The following FCMR variants were observed in gnomAD, a reference collection of about 807,000 sequenced individuals.
FCMR encodes the protein Fc mu receptor.
In FCMR, 34 loss-of-function variants were observed where a neutral mutation model predicts 41.6. That is an observed-to-expected ratio of 0.82 (90% CI 0.62 to 1.09). The LOEUF (loss-of-function observed/expected upper bound fraction) is 1.09. FCMR is among the 50% of genes least tolerant of loss of function. FCMR has a pLI of 0.00. For missense variants in FCMR, 496 were observed against 512.5 expected, an observed-to-expected ratio of 0.97 and a Z score of 0.31; for synonymous variants, 209 against 211.8, an observed-to-expected ratio of 0.99 and a Z score of 0.12.
chr1:206,915,566 G>C (rs1572628904), intron 1 of FCMR, among the ~76,000 whole-genome samples: 1 of 152,174 alleles, frequency 6.6e-6, no homozygotes, highest in African/African-American at 2.4e-5. Flanking sequence ...TAATGCACTT[G>C]AGCCAGCTAC....
At chr1:206,905,523 C>T (rs1001548956) in intron 7 of FCMR, among the ~76,000 whole-genome samples, 3 of 152,064 alleles carry the variant, frequency 2.0e-5, no homozygotes, top group Admixed American at 1.3e-4. Flanking sequence ...AGTGAGTCAC[C>T]CTCAGCACCT....
chr1:206,908,372 G>A, intron 7 of FCMR: 3 of 582,190 alleles, frequency 5.2e-6, no homozygotes, highest in Non-Finnish European at 9.2e-6. Context: ...AGCAAGGAAA[G>A]GGTCTTAGTC....
At chr1:206,918,109 G>T (rs539767132) in intron 1 of FCMR, among the ~76,000 whole-genome samples, 27 of 152,280 alleles carry the variant, frequency 1.8e-4, no homozygotes, top group African/African-American at 6.5e-4. Flanking sequence ...CTCTTGTCAA[G>T]TCACTGAAAT....
chr1:206,909,618 C>T lies in FCMR; in HGVS notation c.986-98G>A. On this transcript the variant is annotated intron_variant, in intron 6 of 7. Coordinates refer to ENST00000367091, the MANE Select transcript of FCMR (RefSeq NM_005449.5). This position sits in a 1 kb window ranked among gnomAD's most constrained non-coding sequence, Gnocchi z 5.0. Reference sequence around the variant, plus strand: ...TCCACCCCCGCCCCACTCCCAGCTCCACCCTGTGGGAAGCCCTGGCACCTG... The same window carrying T: ...TCCACCCCCGCCCCACTCCCAGCTCTACCCTGTGGGAAGCCCTGGCACCTG... 1 of 1,303,848 alleles carries T rather than the reference C, an allele frequency of 7.7e-7. No homozygotes were observed. The highest frequency in any genetic ancestry group is 9.8e-7 in the Non-Finnish European group (1 of 1,016,748). 80.8% of individuals were successfully genotyped at this position (1,303,848 alleles called of 1,614,324 possible).
chr1:206,903,698 C>A lies in FCMR; in HGVS notation c.*1321G>T, dbSNP rs1256361974. 3 of 152,374 alleles carry A rather than the reference C, an allele frequency of 2.0e-5. No homozygotes were observed. The highest frequency in any genetic ancestry group is 7.2e-5 in the African/African-American group (3 of 41,448). 9.4% of individuals were successfully genotyped at this position (152,374 alleles called of 1,614,324 possible). A position where few individuals can be genotyped will look rare whatever the true frequency, so the allele number is the denominator to read the frequency against. ...TTTCCCACCCACACTCGCCAGCTCA[C>A]CCCATCATCCCTTTCCCTTGGTGCC... On this transcript the variant is annotated 3_prime_UTR_variant, in exon 8 of 8. Coordinates refer to ENST00000367091, the MANE Select transcript of FCMR (RefSeq NM_005449.5).
chr1:206,906,936 T>A (rs552052963), intron 7 of FCMR, among the ~76,000 whole-genome samples: 1 of 152,122 alleles, frequency 6.6e-6, no homozygotes, highest in Non-Finnish European at 1.5e-5. Flanking sequence ...CTGCTGCTGC[T>A]TCCCTCTTTA....
At chr1:206,907,885 C>G (rs1438063343) in intron 7 of FCMR, 13 of 1,296,764 alleles carry the variant, frequency 1.0e-5, no homozygotes, top group Non-Finnish European at 1.3e-5. Context: ...CTTGCTGCCC[C>G]AAGAGACCAA....
At chr1:206,912,809 A>G (rs1222640179) in intron 3 of FCMR, 120 bp downstream of exon 3, 4 of 728,306 alleles carry the variant, frequency 5.5e-6, no homozygotes, top group African/African-American at 5.1e-5. Flanking sequence ...GGGAATACAC[A>G]CCTAAGACTC....
rs750374708 is a variant in FCMR at position 206,911,888 on chromosome 1, G to A, written c.552C>T (p.Ile184=). 1.2e-5 allele frequency: 20 copies of A among 1,606,422 alleles called. No individual in the cohort carries two copies. The highest frequency in any genetic ancestry group is 1.7e-5 in the Non-Finnish European group (20 of 1,177,690). The change falls in exon 4 of 8, where the codon ATC becomes ATT. Residue 184 remains isoleucine (I), a synonymous_variant. Coordinates refer to ENST00000367091, the MANE Select transcript of FCMR (RefSeq NM_005449.5). ...PVHHSSPTTQ[I]THRPRVSRAS... is the part of the protein sequence containing the mutation. ...CTCTGGACACTCGAGGGCGGTGGGTGATTTGGGTGGTGGGGGAGGAGTGGT... is the reference window on the plus strand; with the variant it reads ...CTCTGGACACTCGAGGGCGGTGGGTAATTTGGGTGGTGGGGGAGGAGTGGT...
chr1:206,914,420 CTTCCTTCCT>C (rs1679098600), intron 1 of FCMR, among the ~76,000 whole-genome samples: 1 of 124,662 alleles, frequency 8.0e-6, no homozygotes, highest in Non-Finnish European at 1.7e-5. Context: ...TCCTTCCTTC[CTTCCTTCCT>C]TTCTTTTCTT....
intron 4 of FCMR, 125 bp downstream of exon 4, chr1:206,911,605 G>A: frequency 1.2e-6 from 1 of 826,702 alleles, no homozygotes; most frequent in Admixed American, 2.3e-5. Flanking sequence ...ATACTCATAG[G>A]TGGTATATTT....
rs763799731 is a variant in FCMR at position 206,911,881 on chromosome 1, G to T, written c.559C>A (p.Arg187Ser). The T allele has an allele frequency of 1.2e-6, 2 of 1,606,486 alleles. No individual in the cohort carries two copies. Among genetic ancestry groups the T allele is most frequent in the East Asian group, 2.2e-5 (1 of 44,710 alleles). The change falls in exon 4 of 8, where the codon CGC becomes AGC. Residue 187 changes from arginine to serine, a missense_variant. Transcript: ENST00000367091. ...HSSPTTQITH[R>S]PRVSRASSVA... Reference sequence around the variant, plus strand: ...GAAGATGCTCTGGACACTCGAGGGCGGTGGGTGATTTGGGTGGTGGGGGAG... The same window carrying T: ...GAAGATGCTCTGGACACTCGAGGGCTGTGGGTGATTTGGGTGGTGGGGGAG...
chr1:206,907,689 C>T, intron 7 of FCMR: 4 of 839,082 alleles, frequency 4.8e-6, no homozygotes, highest in Non-Finnish European at 8.4e-6. Context: ...GCCATCGTGG[C>T]TAACTAGGTA....
chr1:206,908,653 C>T (rs1283146869), intron 7 of FCMR, among the ~76,000 whole-genome samples: 4 of 151,872 alleles, frequency 2.6e-5, no homozygotes, highest in African/African-American at 9.7e-5. Flanking sequence ...GATGTGCGAC[C>T]AAGGGGTTAC....
At chr1:206,922,735 C>T (rs17552052), upstream of FCMR, among the ~76,000 whole-genome samples, 13,083 of 152,280 alleles carry the variant, frequency 0.086, 790 homozygotes, top group Non-Finnish European at 0.13. Context: ...TAGAGCTCTC[C>T]TTCAGGACCC....
intron 1 of FCMR, among the ~76,000 whole-genome samples, chr1:206,920,736 T>C (rs73072404): frequency 3.2e-4 from 48 of 152,360 alleles, no homozygotes; most frequent in African/African-American, 1.1e-3. Flanking sequence ...AATCTGGCAC[T>C]GCAGGCATCC....
intron 1 of FCMR, among the ~76,000 whole-genome samples, chr1:206,915,339 C>T (rs1036960534): frequency 2.4e-4 from 37 of 152,192 alleles, no homozygotes; most frequent in Admixed American, 1.9e-3. Context: ...GAATAAGTGA[C>T]GTCTGAGTTG....
intron 1 of FCMR, among the ~76,000 whole-genome samples, chr1:206,917,145 G>GA (rs1679229379): frequency 6.6e-6 from 1 of 152,130 alleles, no homozygotes; most frequent in African/African-American, 2.4e-5. Context: ...TGGAAAATGG[G>GA]AAAAAATTTT....
chr1:206,907,125 T>G (rs1291757230), intron 7 of FCMR, among the ~76,000 whole-genome samples: 1,338 of 62,040 alleles, frequency 0.022, no homozygotes, highest in South Asian at 0.03. Context: ...GGGGGCGGGG[T>G]GGGGACTGCG....
Sources: allele counts gnomAD v4.1 joint callset (sites outside exome capture counted in the v4.1 genomes callset), GRCh38; gene constraint gnomAD v4.1.1; non-coding constraint Gnocchi (gnomAD v3.1); transcripts MANE v1.5; gene names NCBI Gene and HGNC (gene_info 2026-07-23, HGNC 2026-07-21).